TRPM3: variants seen among roughly 807,000 people sequenced by gnomAD.
TRPM3 encodes transient receptor potential cation channel subfamily M member 3.
In TRPM3, 77 loss-of-function variants were observed where a neutral mutation model predicts 181.2. The ratio of observed to expected loss-of-function variants is 0.42; its 90% CI spans 0.35 to 0.51. TRPM3 has a LOEUF of 0.51. Ranked by LOEUF, TRPM3 falls within the 20% of genes least tolerant of loss-of-function variation. The pLI, the probability that TRPM3 is intolerant of heterozygous loss-of-function variation, is 0.01. For missense variants in TRPM3, 1,759 were observed against 2,196.7 expected (o/e 0.80, Z 3.98); for synonymous variants, 745 against 796.4 (o/e 0.94, Z 1.09).
At chr9:70,828,715 T>TTTTTTG (rs758707614) in intron 5 of TRPM3, among the ~76,000 whole-genome samples, 22,007 of 142,890 alleles carry the variant, frequency 0.15, 1,407 homozygotes, top group Middle Eastern at 0.21. Context: ...TTTTTTTTTT[T>TTTTTTG]TATAAAAAGA....
intron 1 of TRPM3, among the ~76,000 whole-genome samples, chr9:71,434,733 C>T (rs1390491324): frequency 1.3e-5 from 2 of 152,056 alleles, no homozygotes; most frequent in South Asian, 2.1e-4. Context: ...AAAGGGAGAC[C>T]CAACTTCTCA....
At chr9:71,320,347 A>G (rs1405309321) in intron 1 of TRPM3, among the ~76,000 whole-genome samples, 2 of 152,126 alleles carry the variant, frequency 1.3e-5, no homozygotes, top group Non-Finnish European at 2.9e-5. Context: ...TGCTTATTAC[A>G]TGGTCTGAAC....
At position 70,534,582 on chromosome 9, in the gene TRPM3, G is replaced by A. The variant is rs1436551677; in HGVS notation, c.*1371C>T. 7 of 152,150 alleles carry A rather than the reference G, an allele frequency of 4.6e-5. No individual in the cohort carries two copies. In the East Asian group the frequency reaches 1.4e-3, roughly 29 times the overall value. 9.4% of individuals were successfully genotyped at this position (152,150 alleles called of 1,614,324 possible). On this transcript the variant is annotated 3_prime_UTR_variant, in exon 26 of 26. Coordinates refer to ENST00000677713, the MANE Select transcript of TRPM3 (RefSeq NM_001366145.2). ...ATAGAACTCTTTATATGGTTTATTT[G>A]CTTTCTATTTTGGTCTACTGTATCT...
At chr9:70,757,916 G>C (rs1416922862) in intron 8 of TRPM3, among the ~76,000 whole-genome samples, 1 of 152,142 alleles carries the variant, frequency 6.6e-6, no homozygotes, top group African/African-American at 2.4e-5. Flanking sequence ...TTGAGAACTG[G>C]CACAAGACAG....
chr9:71,106,544 C>T (rs545578360), intron 1 of TRPM3, among the ~76,000 whole-genome samples: 82 of 152,248 alleles, frequency 5.4e-4, no homozygotes, highest in Admixed American at 2.1e-3. Context: ...GAAGCACATG[C>T]TGGCCCCAAG....
intron 1 of TRPM3, among the ~76,000 whole-genome samples, chr9:71,378,608 C>G (rs1287045648): frequency 1.3e-5 from 2 of 152,038 alleles, no homozygotes; most frequent in African/African-American, 4.8e-5. Context: ...CAACTTTATT[C>G]TTTCTTGCAT....
chr9:71,281,221 A>G (rs368712682), intron 1 of TRPM3, among the ~76,000 whole-genome samples: 106 of 152,238 alleles, frequency 7.0e-4, no homozygotes, highest in African/African-American at 2.4e-3. Flanking sequence ...AGCCTGTGTC[A>G]TGGAAGAAGC....
intron 1 of TRPM3, among the ~76,000 whole-genome samples, chr9:71,069,927 A>G (rs1206145861): frequency 6.6e-6 from 1 of 152,196 alleles, no homozygotes; most frequent in Non-Finnish European, 1.5e-5. Flanking sequence ...TTTTTTAAAA[A>G]AGGTACTTTA....
At position 70,640,497 on chromosome 9, in the gene TRPM3, C is replaced by T. The variant is rs572405011; in HGVS notation, c.1446+63G>A. 1.4e-4 allele frequency: 186 copies of T among 1,348,626 alleles called. 1 individual carries two copies. The African/African-American group carries it at 2.5e-3, about 18-fold the overall frequency. 83.5% of individuals were successfully genotyped at this position (1,348,626 alleles called of 1,614,324 possible). A position where few individuals can be genotyped will look rare whatever the true frequency, so the allele number is the denominator to read the frequency against. On this transcript the variant is annotated intron_variant, in intron 10 of 25. Transcript: ENST00000677713. The stretch of plus-strand genomic sequence containing the variant: ...GTTTTCTGAGCTGACCTCAGAGGCT[C>T]CTTAAACAAATACCCTTGGCCAACC...
At chr9:70,810,231 T>C in intron 6 of TRPM3, 1 of 378,642 alleles carries the variant, frequency 2.6e-6, no homozygotes, top group South Asian at 1.9e-5. Flanking sequence ...GGGTACATGA[T>C]CAGGAGGTCC....
chr9:70,956,654 T>C (rs143627150), intron 1 of TRPM3, among the ~76,000 whole-genome samples: 262 of 152,174 alleles, frequency 1.7e-3, no homozygotes, highest in African/African-American at 5.6e-3. Context: ...GAGGCCAGGG[T>C]GGGAGGATTT....
At chr9:70,913,427 A>G (rs1456458198) in intron 1 of TRPM3, among the ~76,000 whole-genome samples, 1 of 152,112 alleles carries the variant, frequency 6.6e-6, no homozygotes, top group Non-Finnish European at 1.5e-5. Flanking sequence ...CATACTTATC[A>G]CTGCCACAAT....
intron 5 of TRPM3, among the ~76,000 whole-genome samples, chr9:70,828,219 T>C (rs1036961408): frequency 1.3e-5 from 2 of 152,236 alleles, no homozygotes; most frequent in African/African-American, 4.8e-5. Flanking sequence ...AGACTGTGCT[T>C]AAATGAGTAT....
chr9:70,555,350 C>T (rs1431524971), intron 22 of TRPM3, among the ~76,000 whole-genome samples: 7 of 152,212 alleles, frequency 4.6e-5, no homozygotes, highest in Non-Finnish European at 8.8e-5. Context: ...GGGGGTCTCT[C>T]ACACTGTGTC....
intron 1 of TRPM3, among the ~76,000 whole-genome samples, chr9:71,420,741 G>GAA (rs2093727465): frequency 3.8e-5 from 1 of 26,602 alleles, no homozygotes. Flanking sequence ...GAGAGAAAGA[G>GAA]AGAGAAAGAG....
At chr9:71,196,183 G>C (rs1017288104) in intron 1 of TRPM3, among the ~76,000 whole-genome samples, 1 of 151,700 alleles carries the variant, frequency 6.6e-6, no homozygotes, top group Non-Finnish European at 1.5e-5. Context: ...GTGTGTGTGT[G>C]TGTGTGTGTG....
intron 1 of TRPM3, among the ~76,000 whole-genome samples, chr9:71,445,967 T>C (rs1471147769): frequency 6.6e-6 from 1 of 151,362 alleles, no homozygotes; most frequent in Non-Finnish European, 1.5e-5. Context: ...GCAGCTAAAG[T>C]TTTTTATCAA....
At chr9:71,352,931 C>G (rs531467651) in intron 1 of TRPM3, among the ~76,000 whole-genome samples, 2 of 152,268 alleles carry the variant, frequency 1.3e-5, no homozygotes, top group East Asian at 3.9e-4. Flanking sequence ...CCTGCCTCCA[C>G]ACAGGTCTCC....
chr9:71,122,093 C>T (rs1320941194), upstream of TRPM3, among the ~76,000 whole-genome samples: 1 of 152,150 alleles, frequency 6.6e-6, no homozygotes, highest in Non-Finnish European at 1.5e-5. Flanking sequence ...ATTTGGCTCA[C>T]CTTTTAGAGA....
Sources: allele counts gnomAD v4.1 joint callset (sites outside exome capture counted in the v4.1 genomes callset), GRCh38; gene constraint gnomAD v4.1.1; transcripts MANE v1.5; gene names NCBI Gene and HGNC (gene_info 2026-07-23, HGNC 2026-07-21).